BCAS1: variants seen among roughly 807,000 people sequenced by gnomAD.
BCAS1 encodes brain enriched myelin associated protein 1, also known as breast carcinoma-amplified sequence 1.
A neutral mutation model predicts 65.4 loss-of-function variants in BCAS1; 46 were observed. That is an observed-to-expected ratio of 0.70 (90% confidence interval 0.55 to 0.90). BCAS1 has a LOEUF of 0.90. Among genes scored for constraint, BCAS1 ranks in the 40% least tolerant of loss-of-function variants. The pLI, the probability that BCAS1 is intolerant of heterozygous loss-of-function variation, is 0.00. For missense variants in BCAS1, 793 were observed against 771.2 expected (o/e 1.03, Z -0.33); for synonymous variants, 298 against 293.5 (o/e 1.02, Z -0.16).
intron 7 of BCAS1, among the ~76,000 whole-genome samples, chr20:53,986,980 T>C (rs1470262156): frequency 6.6e-6 from 1 of 152,208 alleles, no homozygotes; most frequent in Admixed American, 6.5e-5. Context: ...ATCCAATGCA[T>C]GAATTTTCAT....
chr20:54,041,908 C>CAAAAAAAAAAAAAAAAAAAAAAAA lies in BCAS1; in HGVS notation c.143-12937_143-12936insTTTTTTTTTTTTTTTTTTTTTTTT, dbSNP rs1391284796. Among the ~76,000 whole-genome samples the CAAAAAAAAAAAAAAAAAAAAAAAA allele has an allele frequency of 1.6e-3, 109 of 67,334 alleles. 24 individuals are homozygous for CAAAAAAAAAAAAAAAAAAAAAAAA. Among genetic ancestry groups the CAAAAAAAAAAAAAAAAAAAAAAAA allele is most frequent in the Middle Eastern group, 0.011 (1 of 92 alleles). The allele number at this position is 67,334 out of a possible 152,430, so 44.2% of individuals were successfully genotyped here. On this transcript the variant is annotated intron_variant, in intron 3 of 12. Coordinates refer to ENST00000688948, the MANE Select transcript of BCAS1 (RefSeq NM_001366298.2). ...AGTTCAGAGTGAGACTCTGTCTCCC[C>CAAAAAAAAAAAAAAAAAAAAAAAA]CAAAAAAAAAAAAAAAAAAAAAAGA...
intron 5 of BCAS1, among the ~76,000 whole-genome samples, chr20:53,995,519 A>G (rs2090884012): frequency 6.7e-6 from 1 of 148,334 alleles, no homozygotes; most frequent in Non-Finnish European, 1.5e-5. Flanking sequence ...TTTCTACAGT[A>G]TTTTATTTGC....
chr20:54,013,922 T>G (rs1372794167), intron 4 of BCAS1, among the ~76,000 whole-genome samples: 1 of 152,258 alleles, frequency 6.6e-6, no homozygotes, highest in African/African-American at 2.4e-5. Context: ...AAAGATACAT[T>G]AAAAATACAA....
chr20:54,067,492 T>C (rs1350092194), intron 1 of BCAS1, among the ~76,000 whole-genome samples: 1 of 152,270 alleles, frequency 6.6e-6, no homozygotes, highest in African/African-American at 2.4e-5. Context: ...ACGTTAGTTA[T>C]TGCTAATATT....
intron 4 of BCAS1, among the ~76,000 whole-genome samples, chr20:54,012,481 A>G (rs2091343868): frequency 1.3e-5 from 2 of 152,094 alleles, no homozygotes; most frequent in South Asian, 4.2e-4. Context: ...AAAAAAAAAA[A>G]AAAGCTTGAT....
chr20:53,979,602 C>T (rs1290087049), intron 8 of BCAS1, among the ~76,000 whole-genome samples: 2 of 152,198 alleles, frequency 1.3e-5, no homozygotes, highest in African/African-American at 4.8e-5. Context: ...GATAAATTGG[C>T]ACGGATCATC....
At chr20:54,005,953 G>A (rs1324749239) in intron 4 of BCAS1, among the ~76,000 whole-genome samples, 2 of 152,136 alleles carry the variant, frequency 1.3e-5, no homozygotes, top group Non-Finnish European at 2.9e-5. Context: ...AAGCAAGATG[G>A]TTATAACAAT....
chr20:54,029,712 G>A (rs181276635), intron 3 of BCAS1, among the ~76,000 whole-genome samples: 1 of 152,316 alleles, frequency 6.6e-6, no homozygotes, highest in East Asian at 1.9e-4. Flanking sequence ...AATATATTAA[G>A]TGCTTAATAA....
intron 4 of BCAS1, among the ~76,000 whole-genome samples, chr20:54,022,109 G>A (rs758587119): frequency 1.3e-5 from 2 of 152,120 alleles, no homozygotes; most frequent in African/African-American, 2.4e-5. Flanking sequence ...AAAACCACAA[G>A]GGACTAAGCC....
rs141014909 is a variant in BCAS1, at chr20:54,031,890, G to A, written c.143-2918C>T. Among the ~76,000 whole-genome samples, 185 of 151,178 alleles carry A rather than the reference G, an allele frequency of 1.2e-3. 4 individuals are homozygous for A. The East Asian group carries it at 0.019, about 16-fold the overall frequency. On this transcript the variant is annotated intron_variant, in intron 3 of 12. Coordinates refer to ENST00000688948, the MANE Select transcript of BCAS1 (RefSeq NM_001366298.2). Reference sequence around the variant, plus strand: ...GTGTCTGAAAGAGATGGAGGGAATGGAATCAACCTGAAAAACATATTTCAG... The same window carrying A: ...GTGTCTGAAAGAGATGGAGGGAATGAAATCAACCTGAAAAACATATTTCAG...
intron 3 of BCAS1, among the ~76,000 whole-genome samples, chr20:54,048,320 A>G (rs1209307509): frequency 6.6e-6 from 1 of 152,150 alleles, no homozygotes; most frequent in Non-Finnish European, 1.5e-5. Context: ...GGCCTGCCCA[A>G]TAGCCAATCG....
chr20:53,972,263 C>T (rs1282677504), intron 9 of BCAS1, among the ~76,000 whole-genome samples: 2 of 152,172 alleles, frequency 1.3e-5, no homozygotes, highest in African/African-American at 4.8e-5. Flanking sequence ...AATGCCTTCT[C>T]TCTTATTTAA....
intron 4 of BCAS1, 76 bp from the exon 5 acceptor site, chr20:53,996,126 CT>C: frequency 6.9e-7 from 1 of 1,448,316 alleles, no homozygotes; most frequent in Non-Finnish European, 9.3e-7. Flanking sequence ...CTTCACACCC[CT>C]TTCTCTCTTA....
intron 10 of BCAS1, among the ~76,000 whole-genome samples, chr20:53,966,459 G>A (rs2090029171): frequency 6.6e-6 from 1 of 152,158 alleles, no homozygotes; most frequent in African/African-American, 2.4e-5. Flanking sequence ...ATGATATAAT[G>A]GACTTTGGGG....
intron 4 of BCAS1, among the ~76,000 whole-genome samples, chr20:54,002,075 C>T (rs570032494): frequency 1.1e-3 from 166 of 151,500 alleles, no homozygotes; most frequent in African/African-American, 3.9e-3. Context: ...TTGCTAGTTT[C>T]CTCATATGAA....
intron 4 of BCAS1, 107 bp from the exon 5 acceptor site, chr20:53,996,157 C>T: frequency 6.7e-6 from 8 of 1,201,004 alleles, no homozygotes; most frequent in Non-Finnish European, 9.2e-6. Context: ...TCCAGCCATA[C>T]TTCTTCTGCC....
intron 1 of BCAS1, among the ~76,000 whole-genome samples, chr20:54,060,147 A>G (rs2092358510): frequency 6.6e-6 from 1 of 152,214 alleles, no homozygotes; most frequent in African/African-American, 2.4e-5. Flanking sequence ...TGCCCCTTGT[A>G]GCTGTGTGTC....
At chr20:53,958,917 GA>G (rs930625389) in intron 10 of BCAS1, among the ~76,000 whole-genome samples, 1 of 152,132 alleles carries the variant, frequency 6.6e-6, no homozygotes, top group African/African-American at 2.4e-5. Context: ...TAGAAGGCAA[GA>G]GGCACCACTC....
At chr20:54,068,168 C>T (rs1026158612) in intron 1 of BCAS1, among the ~76,000 whole-genome samples, 3 of 152,158 alleles carry the variant, frequency 2.0e-5, no homozygotes, top group African/African-American at 7.2e-5. Flanking sequence ...CTTTGTGGGT[C>T]CAGGGGCAGG....
Sources: gnomAD v4.1 joint callset for allele counts (sites outside exome capture counted in the v4.1 genomes callset) on GRCh38, gnomAD v4.1.1 for gene constraint, MANE v1.5 for transcripts, NCBI Gene and HGNC (gene_info 2026-07-23, HGNC 2026-07-21) for gene names.